The following KCTD14 variants were observed in gnomAD, a reference collection of about 807,000 sequenced individuals.
KCTD14 encodes potassium channel tetramerization domain containing 14.
Under a neutral mutation model 5.9 loss-of-function variants are expected in KCTD14, and 7 were observed. The ratio of observed to expected loss-of-function variants is 1.19; its 90% CI spans 0.68 to 2.23. KCTD14 has a LOEUF of 2.23. KCTD14 is among the 30% of genes most tolerant of loss of function. The probability of loss-of-function intolerance (pLI) is 0.00; values close to 1 mark genes in which losing one functional copy is unlikely to be tolerated. For missense variants in KCTD14, 342 were observed against 332.2 expected (o/e 1.03, Z -0.23); for synonymous variants, 140 against 133.1 (o/e 1.05, Z -0.36).
At chr11:78,042,815 GT>G (rs1858030786) in intron 1 of KCTD14, among the ~76,000 whole-genome samples, 1 of 152,218 alleles carries the variant, frequency 6.6e-6, no homozygotes, top group Non-Finnish European at 1.5e-5. Context: ...AATGCATGGG[GT>G]TTTCTAGACG....
At chr11:78,037,918 G>T (rs749794562) in intron 2 of KCTD14, among the ~76,000 whole-genome samples, 4 of 151,396 alleles carry the variant, frequency 2.6e-5, no homozygotes, top group Non-Finnish European at 5.9e-5. Flanking sequence ...GGTTCCACAA[G>T]TGTGCTCACT....
In KCTD14 at chr11:78,016,449, C is replaced by T. The variant is rs973706080; in HGVS notation, c.*144G>A. 5 of 684,212 alleles carry T rather than the reference C, an allele frequency of 7.3e-6. No individual in the cohort carries two copies. The highest frequency in any genetic ancestry group is 9.7e-6 in the Non-Finnish European group (4 of 410,894). 42.4% of individuals were successfully genotyped at this position (684,212 alleles called of 1,614,324 possible). ...TGCAATGGAGTGGAAAGTCCTTAAA[C>T]GAGTGATCAATATTTAGTGGCAAGA... On this transcript the variant is annotated 3_prime_UTR_variant, in exon 2 of 2. Transcript: ENST00000353172.
upstream of KCTD14, among the ~76,000 whole-genome samples, chr11:78,026,086 C>T (rs1396581216): frequency 6.6e-6 from 1 of 152,162 alleles, no homozygotes; most frequent in Non-Finnish European, 1.5e-5. Context: ...AGGATGTCCT[C>T]AGGTCATGTG....
chr11:78,037,117 A>C (rs1857827831), intron 2 of KCTD14, among the ~76,000 whole-genome samples: 1 of 152,194 alleles, frequency 6.6e-6, no homozygotes, highest in African/African-American at 2.4e-5. Context: ...TCAGGTGTCC[A>C]CCACAGGATG....
chr11:78,025,741 A>G (rs144520673), upstream of KCTD14, among the ~76,000 whole-genome samples: 50 of 152,322 alleles, frequency 3.3e-4, no homozygotes, highest in South Asian at 8.3e-4. Flanking sequence ...CCACTGGTGA[A>G]AAGAGTTAGG....
intron 1 of KCTD14, among the ~76,000 whole-genome samples, chr11:78,045,635 G>C (rs1858114171): frequency 1.3e-5 from 2 of 152,228 alleles, no homozygotes; most frequent in Admixed American, 1.3e-4. Flanking sequence ...ACCAAAGGCA[G>C]TTTGGAGGTT....
intron 1 of KCTD14, among the ~76,000 whole-genome samples, chr11:78,039,270 A>G (rs1393560987): frequency 1.3e-5 from 2 of 151,916 alleles, no homozygotes; most frequent in Non-Finnish European, 2.9e-5. Context: ...TAATCCCAGC[A>G]CTTTGAGAGG....
chr11:78,029,422 A>G (rs1382754598), intron 2 of KCTD14, among the ~76,000 whole-genome samples: 2 of 152,170 alleles, frequency 1.3e-5, no homozygotes, highest in Non-Finnish European at 2.9e-5. Context: ...TTTGCAGGGT[A>G]ATTCCCCAGA....
upstream of KCTD14, chr11:78,023,331 G>C: frequency 7.2e-7 from 1 of 1,392,602 alleles, no homozygotes. Flanking sequence ...GGACGGGGCT[G>C]AGCCAGGCGT....
At chr11:78,021,029 G>A (rs1857290116) in intron 1 of KCTD14, among the ~76,000 whole-genome samples, 1 of 152,194 alleles carries the variant, frequency 6.6e-6, no homozygotes, top group Admixed American at 6.5e-5. Flanking sequence ...CAGGCTGGGT[G>A]CAGTGGCTTA....
At position 78,033,901 on chromosome 11, in the gene KCTD14, G is replaced by GTGTGTGTGTGTACATATATATATA; in HGVS notation, c.-1+4762_-1+4763insTATATATATATGTACACACACACA. On this transcript the variant is annotated intron_variant, in intron 2 of 2. Transcript: ENST00000533144. ...ATAGTGTGTGTGTATGTGTGTGTGT[G>GTGTGTGTGTGTACATATATATATA]TATATATATATATACACACATTATA... Among the ~76,000 whole-genome samples the GTGTGTGTGTGTACATATATATATA allele has an allele frequency of 1.3e-4, 15 of 115,604 alleles. 1 individual carries two copies. Among genetic ancestry groups the GTGTGTGTGTGTACATATATATATA allele is most frequent in the Non-Finnish European group, 1.5e-4 (9 of 59,364 alleles). 75.8% of individuals were successfully genotyped at this position (115,604 alleles called of 152,430 possible). A position where few individuals can be genotyped will look rare whatever the true frequency, so the allele number is the denominator to read the frequency against.
chr11:78,025,118 G>GTGTATA (rs1230114793), upstream of KCTD14, among the ~76,000 whole-genome samples: 189 of 44,424 alleles, frequency 4.3e-3, 1 homozygote, highest in East Asian at 0.015. Context: ...GTGTGTGTGT[G>GTGTATA]TATATATATA....
At chr11:78,019,696 T>C (rs553234545) in intron 1 of KCTD14, among the ~76,000 whole-genome samples, 46 of 152,334 alleles carry the variant, frequency 3.0e-4, no homozygotes, top group South Asian at 1.7e-3. Context: ...TTCTTCGTAA[T>C]GAAAAGGCCG....
chr11:78,035,970 G>T (rs1222981360), intron 2 of KCTD14, among the ~76,000 whole-genome samples: 1 of 151,896 alleles, frequency 6.6e-6, no homozygotes, highest in Non-Finnish European at 1.5e-5. Flanking sequence ...GACCAGCCTG[G>T]CCAACATGGT....
At chr11:78,041,069 A>G (rs966979499) in intron 1 of KCTD14, among the ~76,000 whole-genome samples, 1 of 152,210 alleles carries the variant, frequency 6.6e-6, no homozygotes, top group Non-Finnish European at 1.5e-5. Context: ...AGGTTGACCC[A>G]GGCACTCTGG....
chr11:78,021,041 G>T (rs888752613), intron 1 of KCTD14, among the ~76,000 whole-genome samples: 1 of 151,984 alleles, frequency 6.6e-6, no homozygotes, highest in African/African-American at 2.4e-5. Context: ...AGTGGCTTAC[G>T]CCTGTAATCC....
chr11:78,025,112 GTGTGTGTA>G (rs1192916955), upstream of KCTD14, among the ~76,000 whole-genome samples: 84 of 68,626 alleles, frequency 1.2e-3, no homozygotes, highest in Middle Eastern at 8.2e-3. Flanking sequence ...GTGTGTGTGT[GTGTGTGTA>G]TATATATATA....
chr11:78,021,811 C>T (rs111915602), intron 1 of KCTD14, among the ~76,000 whole-genome samples: 2,252 of 152,294 alleles, frequency 0.015, 53 homozygotes, highest in African/African-American at 0.049. Context: ...AAACAGCAGA[C>T]TCCATAACAA....
upstream of KCTD14, among the ~76,000 whole-genome samples, chr11:78,025,193 A>G (rs1857434351): frequency 6.8e-6 from 1 of 146,200 alleles, no homozygotes. Context: ...ACACAATCAC[A>G]AGGTCCCATA....
Sources: gnomAD v4.1 joint callset for allele counts (sites outside exome capture counted in the v4.1 genomes callset) on GRCh38, gnomAD v4.1.1 for gene constraint, MANE v1.5 for transcripts, NCBI Gene and HGNC (gene_info 2026-07-23, HGNC 2026-07-21) for gene names.